The following HEXD variants were observed in gnomAD, a reference collection of about 807,000 sequenced individuals.
HEXD encodes the protein hexosaminidase D, also known as N-acetyl-beta-galactosaminidase.
A neutral mutation model predicts 54.2 loss-of-function variants in HEXD; 47 were observed. The observed-to-expected ratio is 0.87, with a 90% CI of 0.69 to 1.11. The LOEUF is 1.11. Ranked by LOEUF, HEXD falls within the 50% of genes least tolerant of loss-of-function variation. The pLI, the probability that HEXD is intolerant of heterozygous loss-of-function variation, is 0.00. For missense variants in HEXD, 576 were observed against 649.2 expected (o/e 0.89, Z 1.23); for synonymous variants, 293 against 287.6 (o/e 1.02, Z -0.19).
At chr17:82,436,008 T>C (rs1422964831) in intron 6 of HEXD, 136 bp downstream of exon 6, 1 of 828,304 alleles carries the variant, frequency 1.2e-6, no homozygotes, top group Non-Finnish European at 1.9e-6. Context: ...AACCACCTCC[T>C]GCATCCCCTT....
At chr17:82,438,427 C>T (rs926059780) in intron 8 of HEXD, among the ~76,000 whole-genome samples, 8 of 152,166 alleles carry the variant, frequency 5.3e-5, no homozygotes, top group African/African-American at 1.9e-4. Flanking sequence ...CTGTAAAAAT[C>T]CTGTGACTGT....
chr17:82,433,310 C>CGG (rs2053665260), intron 4 of HEXD, among the ~76,000 whole-genome samples: 1 of 150,600 alleles, frequency 6.6e-6, no homozygotes, highest in South Asian at 2.1e-4. Context: ...GGCGTGGTGG[C>CGG]ACATGCCTGT....
intron 2 of HEXD, among the ~76,000 whole-genome samples, chr17:82,420,575 G>C (rs1227299577): frequency 1.3e-5 from 2 of 152,160 alleles, no homozygotes; most frequent in Non-Finnish European, 2.9e-5. Context: ...CCAGTTGTTT[G>C]TTTGTTTTTT....
At chr17:82,438,711 T>C (rs569861114) in intron 8 of HEXD, among the ~76,000 whole-genome samples, 7 of 152,130 alleles carry the variant, frequency 4.6e-5, no homozygotes, top group Non-Finnish European at 8.8e-5. Flanking sequence ...AAGCTCAGAT[T>C]GAGATGGAGT....
chr17:82,428,774 C>T (rs867072143), intron 4 of HEXD, 129 bp downstream of exon 4: 14 of 748,626 alleles, frequency 1.9e-5, no homozygotes, highest in Middle Eastern at 3.2e-4. Flanking sequence ...CAGCTCAGCA[C>T]AACATGGAAA....
chr17:82,420,251 A>G (rs2053193474), intron 2 of HEXD: 1 of 160,926 alleles, frequency 6.2e-6, no homozygotes, highest in Admixed American at 6.4e-5. Flanking sequence ...ATGAAGTTGT[A>G]CTAGAATATG....
At position 82,435,693 on chromosome 17, in the gene HEXD, A is replaced by C. The variant is rs1178311276; in HGVS notation, c.452A>C (p.Tyr151Ser). ...CGTCCTGCTCCTTCCTTGCAGGTCTATTACCTCGGAGAGGGGGAGGCCTCG... is the reference window on the plus strand; with the variant it reads ...CGTCCTGCTCCTTCCTTGCAGGTCTCTTACCTCGGAGAGGGGGAGGCCTCG... ...QRLHIGCDEV[Y>S]YLGEGEASRR... The change falls in exon 6 of 13, where the codon TAT becomes TCT. Residue 151 changes from tyrosine to serine, a missense_variant. Physicochemically the swap from Tyr to Ser is moderately radical, Grantham distance 144. Transcript: ENST00000327949. 23 of 1,611,540 alleles carry C rather than the reference A, an allele frequency of 1.4e-5. No homozygotes were observed. Among genetic ancestry groups the C allele is most frequent in the Non-Finnish European group, 2.0e-5 (23 of 1,178,848 alleles).
intron 9 of HEXD, chr17:82,440,715 AG>A (rs1367180929): frequency 6.6e-5 from 32 of 483,984 alleles, no homozygotes; most frequent in Non-Finnish European, 1.1e-4. Flanking sequence ...TGCGCCCAGC[AG>A]GAAGAGCCAC....
chr17:82,441,383 C>CG, intron 11 of HEXD, 117 bp downstream of exon 11: 1 of 866,370 alleles, frequency 1.2e-6, no homozygotes, highest in South Asian at 2.1e-5. Flanking sequence ...TGCAGGTGAG[C>CG]GGGCAGGCAT....
At position 82,442,354 on chromosome 17, in the gene HEXD, C is replaced by T; in HGVS notation, c.1431C>T (p.Ser477=). The change falls in exon 13 of 13, where the codon AGC becomes AGT. Residue 477 remains serine, a synonymous_variant. Transcript: ENST00000327949. This position sits in a 1 kb window ranked among gnomAD's most constrained non-coding sequence, Gnocchi z 6.8. ...EVSAPPLPPT[S]PGRDVAQDP ...CTGCCCCCCCGCTGCCACCCACCAG[C>T]CCTGGCAGGGACGTTGCTCAGGACC... 1 of 1,611,066 alleles carries T rather than the reference C, an allele frequency of 6.2e-7. No homozygotes were observed. Among genetic ancestry groups the T allele is most frequent in the Middle Eastern group, 1.7e-4 (1 of 6,044 alleles).
rs916558725 is a variant in HEXD at position 82,424,558 on chromosome 17, G to A, written c.194+55G>A. 8 of 1,289,028 alleles carry A rather than the reference G, an allele frequency of 6.2e-6. 1 individual carries two copies. The highest frequency in any genetic ancestry group is 2.3e-5 in the East Asian group (1 of 43,256). 79.8% of individuals were successfully genotyped at this position (1,289,028 alleles called of 1,614,324 possible). Reference sequence around the variant, plus strand: ...GCGGCGTGAAAGCGGGGAAGGGGGGGTTCCGCAGGGCAGGAGGAGCAGCAA... The same window carrying A: ...GCGGCGTGAAAGCGGGGAAGGGGGGATTCCGCAGGGCAGGAGGAGCAGCAA... On this transcript the variant is annotated intron_variant, in intron 3 of 12. Coordinates refer to ENST00000327949, the MANE Select transcript of HEXD (RefSeq NM_001330542.2).
intron 2 of HEXD, among the ~76,000 whole-genome samples, chr17:82,424,169 T>A (rs1304986688): frequency 6.6e-6 from 1 of 152,202 alleles, no homozygotes; most frequent in Non-Finnish European, 1.5e-5. Flanking sequence ...AGCAGCCCTG[T>A]TTCATAGCAT....
In HEXD at chr17:82,442,392, G is replaced by A. The variant is rs2054019051; in HGVS notation, c.*8G>A. On this transcript the variant is annotated 3_prime_UTR_variant, in exon 13 of 13. Transcript: ENST00000327949. This position sits in a 1 kb window ranked among gnomAD's most constrained non-coding sequence, Gnocchi z 6.8. ...GTTGCTCAGGACCCCTGAGGGGAGAGCTCATGCCAGGGGGCTCCTGCTGGA... is the reference window on the plus strand; with the variant it reads ...GTTGCTCAGGACCCCTGAGGGGAGAACTCATGCCAGGGGGCTCCTGCTGGA... 2 of 1,609,298 alleles carry A rather than the reference G, an allele frequency of 1.2e-6. No homozygotes were observed. The highest frequency in any genetic ancestry group is 2.2e-5 in the South Asian group (2 of 91,026).
At chr17:82,429,780 C>T (rs11870870) in intron 4 of HEXD, among the ~76,000 whole-genome samples, 2,796 of 152,220 alleles carry the variant, frequency 0.018, 96 homozygotes, top group African/African-American at 0.065. Flanking sequence ...GGGCTCCTCT[C>T]GGTCCCTGTC....
At position 82,419,871 on chromosome 17, in the gene HEXD, G is replaced by A. The variant is rs370631233; in HGVS notation, c.72G>A (p.Ser24=). The change falls in exon 2 of 13, where the codon TCG becomes TCA. Residue 24 remains serine, a synonymous_variant. Coordinates refer to ENST00000327949, the MANE Select transcript of HEXD (RefSeq NM_001330542.2). ...LDLKGAPPKV[S]YLSEIFPLFR... ...TTAAAGGAGCTCCACCAAAGGTCTCGTACCTCTCAGAGGTAAGGACTCCCT... is the reference window on the plus strand; with the variant it reads ...TTAAAGGAGCTCCACCAAAGGTCTCATACCTCTCAGAGGTAAGGACTCCCT... The A allele has an allele frequency of 2.6e-5, 41 of 1,604,638 alleles. No individual in the cohort carries two copies. The highest frequency in any genetic ancestry group is 4.4e-5 in the South Asian group (4 of 90,878).
intron 9 of HEXD, chr17:82,440,178 C>A (rs570817664): frequency 9.3e-6 from 12 of 1,289,488 alleles, no homozygotes; most frequent in Admixed American, 2.3e-5. Flanking sequence ...CCCTTGGGGT[C>A]GGCAGGGGGC....
In HEXD at chr17:82,419,780, A is replaced by C. The variant is rs150759806; in HGVS notation, c.-20A>C. 1.2e-4 allele frequency: 183 copies of C among 1,528,906 alleles called. 2 individuals carry two copies. In the African/African-American group the frequency reaches 2.2e-3, roughly 18 times the overall value. The allele number at this position is 1,528,906 out of a possible 1,614,324, so 94.7% of individuals were successfully genotyped here. ...GTCCCCAAGGAGACTTCGCCATAGGAGTTCACAGGAAATATTGAAATGTCA... is the reference window on the plus strand; with the variant it reads ...GTCCCCAAGGAGACTTCGCCATAGGCGTTCACAGGAAATATTGAAATGTCA... On this transcript the variant is annotated 5_prime_UTR_variant, in exon 2 of 13. Transcript: ENST00000327949.
intron 4 of HEXD, among the ~76,000 whole-genome samples, 196 bp downstream of exon 4, chr17:82,428,841 C>T (rs2053497167): frequency 6.6e-6 from 1 of 152,122 alleles, no homozygotes; most frequent in South Asian, 2.1e-4. Flanking sequence ...GTTGGGGCTG[C>T]CTGTCTGCCT....
chr17:82,440,203 T>C, intron 9 of HEXD: 1 of 1,282,676 alleles, frequency 7.8e-7, no homozygotes, highest in South Asian at 1.2e-5. Flanking sequence ...CCAGAGGAGC[T>C]GTGTGTGTGG....
Sources: allele counts gnomAD v4.1 joint callset (sites outside exome capture counted in the v4.1 genomes callset), GRCh38; gene constraint gnomAD v4.1.1; non-coding constraint Gnocchi (gnomAD v3.1); transcripts MANE v1.5; gene names NCBI Gene and HGNC (gene_info 2026-07-23, HGNC 2026-07-21).